The following PHTF2 variants were observed in gnomAD, a reference collection of about 807,000 sequenced individuals.
PHTF2 encodes the protein putative homeodomain transcription factor 2.
PHTF2 carries 60 observed loss-of-function variants against 101.2 expected under a neutral mutation model. The ratio of observed to expected loss-of-function variants is 0.59; its 90% confidence interval spans 0.48 to 0.73. The LOEUF is 0.73. PHTF2 is among the 30% of genes least tolerant of loss of function. The probability of loss-of-function intolerance (pLI) is 0.00; values close to 1 mark genes in which losing one functional copy is unlikely to be tolerated. For synonymous variants in PHTF2, 311 were observed against 307.3 expected (o/e 1.01, Z -0.13); for missense variants, 747 against 908.7 (o/e 0.82, Z 2.29).
intron 1 of PHTF2, among the ~76,000 whole-genome samples, chr7:77,810,014 G>A (rs1221629646): frequency 6.6e-6 from 1 of 152,070 alleles, no homozygotes; most frequent in South Asian, 2.1e-4. Flanking sequence ...TGATAAAGGA[G>A]GTATTTTAAA....
chr7:77,938,399 T>C (rs937876945), intron 13 of PHTF2, among the ~76,000 whole-genome samples: 1 of 152,210 alleles, frequency 6.6e-6, no homozygotes, highest in Non-Finnish European at 1.5e-5. Flanking sequence ...AATTTTATTT[T>C]CTATTATTTC....
At chr7:77,934,500 A>T (rs1636665) in intron 12 of PHTF2, among the ~76,000 whole-genome samples, 115,144 of 152,180 alleles carry the variant, frequency 0.76, 43,768 homozygotes, top group East Asian at 0.86. Flanking sequence ...CATTTAAGCA[A>T]TAAGGTTTTC....
At chr7:77,946,906 G>C (rs1806092705) in intron 16 of PHTF2, among the ~76,000 whole-genome samples, 1 of 151,242 alleles carries the variant, frequency 6.6e-6, no homozygotes, top group Non-Finnish European at 1.5e-5. Context: ...TGGATCCCTT[G>C]AGCCCAGGAG....
intron 1 of PHTF2, among the ~76,000 whole-genome samples, chr7:77,822,909 T>C (rs1794405834): frequency 6.7e-6 from 1 of 149,812 alleles, no homozygotes; most frequent in South Asian, 2.1e-4. Context: ...TAAATCTTTT[T>C]TTTTTTTTTT....
In PHTF2 at chr7:77,883,515, A is replaced by G. The variant is rs115038758; in HGVS notation, c.148-10093A>G. Among the ~76,000 whole-genome samples, 488 of 152,214 alleles carry G rather than the reference A, an allele frequency of 3.2e-3. 1 individual carries two copies. Among genetic ancestry groups the G allele is most frequent in the African/African-American group, 0.011 (471 of 41,556 alleles). ...CGGTTTTCTCTTTTTTACCAAATTT[A>G]TAGGTAGATAATTATGGCAATGCAA... On this transcript the variant is annotated intron_variant, in intron 3 of 19. Transcript: ENST00000416283.
chr7:77,835,630 G>C (rs1795398295), intron 1 of PHTF2, among the ~76,000 whole-genome samples: 1 of 152,076 alleles, frequency 6.6e-6, no homozygotes, highest in Non-Finnish European at 1.5e-5. Flanking sequence ...TTGGGGTTAG[G>C]GATACTGACC....
chr7:77,892,578 G>A (rs777379101), intron 3 of PHTF2, among the ~76,000 whole-genome samples: 3 of 152,032 alleles, frequency 2.0e-5, no homozygotes, highest in Non-Finnish European at 4.4e-5. Context: ...TAATTTCTTA[G>A]GCTTCTAATT....
At chr7:77,810,876 A>T (rs1408057128) in intron 1 of PHTF2, among the ~76,000 whole-genome samples, 1 of 151,942 alleles carries the variant, frequency 6.6e-6, no homozygotes, top group Admixed American at 6.6e-5. Context: ...TTTTTTCCTC[A>T]TAATTAGATT....
chr7:77,831,780 G>A (rs968411725), intron 1 of PHTF2, among the ~76,000 whole-genome samples: 9 of 152,176 alleles, frequency 5.9e-5, no homozygotes, highest in African/African-American at 1.7e-4. Context: ...TTCTGAATGC[G>A]AGTCTACGCA....
At chr7:77,881,060 T>G (rs887336459) in intron 3 of PHTF2, among the ~76,000 whole-genome samples, 1 of 152,178 alleles carries the variant, frequency 6.6e-6, no homozygotes, top group African/African-American at 2.4e-5. Flanking sequence ...TTTTACCTTT[T>G]TTATTGTCCC....
intron 16 of PHTF2, 74 bp from the exon 16 acceptor site, chr7:77,949,604 C>A: frequency 2.7e-6 from 2 of 733,612 alleles, no homozygotes; most frequent in South Asian, 2.0e-5. Flanking sequence ...TATGAACAAT[C>A]TATGTTTATT....
In PHTF2 at chr7:77,900,787, C is replaced by CT. The variant is rs763011649; in HGVS notation, c.286+8dup. The CT allele has an allele frequency of 1.4e-6, 2 of 1,411,382 alleles. No individual in the cohort carries two copies. Among genetic ancestry groups the CT allele is most frequent in the Non-Finnish European group, 2.0e-6 (2 of 996,232 alleles). 87.4% of individuals were successfully genotyped at this position (1,411,382 alleles called of 1,614,324 possible). A position where few individuals can be genotyped will look rare whatever the true frequency, so the allele number is the denominator to read the frequency against. On this transcript the variant is annotated splice_region_variant and intron_variant, in intron 6 of 19. Coordinates refer to ENST00000416283, the Ensembl canonical transcript of PHTF2. Reference sequence around the variant, plus strand: ...GATGTTGATCTTGTAAGAGGTGAGTCTGATAAATAAATGCTTAATACAAGT... The same window carrying CT: ...GATGTTGATCTTGTAAGAGGTGAGTCTTGATAAATAAATGCTTAATACAAGT...
chr7:77,918,833 AT>A (rs1457550324), intron 9 of PHTF2, among the ~76,000 whole-genome samples: 3 of 152,080 alleles, frequency 2.0e-5, no homozygotes, highest in African/African-American at 7.2e-5. Flanking sequence ...GGATCTGGAG[AT>A]TTGGCTTTTC....
intron 11 of PHTF2, 115 bp downstream of exon 10, chr7:77,922,893 A>G (rs1803615227): frequency 1.6e-6 from 2 of 1,284,128 alleles, no homozygotes; most frequent in East Asian, 5.3e-5. Context: ...TATTATCAAT[A>G]TTTATTATTG....
chr7:77,854,976 C>A, intron 3 of PHTF2: 1 of 576,216 alleles, frequency 1.7e-6, no homozygotes. Flanking sequence ...CCTACTGTGG[C>A]TGAGCTGGTG....
At chr7:77,955,417 CG>C (rs1806932754) in exon 20 of PHTF2, 1 of 152,446 alleles carries the variant, frequency 6.6e-6, no homozygotes, top group South Asian at 2.1e-4. Context: ...TTAATATATA[CG>C]GTATTATATA....
intron 2 of PHTF2, among the ~76,000 whole-genome samples, chr7:77,848,068 C>T (rs928883342): frequency 9.9e-5 from 15 of 152,192 alleles, no homozygotes; most frequent in African/African-American, 3.6e-4. Flanking sequence ...GAATACTACT[C>T]CATTGTGTAT....
At chr7:77,834,637 T>TG (rs986632305) in intron 1 of PHTF2, among the ~76,000 whole-genome samples, 2 of 152,164 alleles carry the variant, frequency 1.3e-5, no homozygotes, top group Non-Finnish European at 2.9e-5. Context: ...TATTGAGTTG[T>TG]GGAATATCTG....
At chr7:77,854,844 G>A in intron 3 of PHTF2, 1 of 756,600 alleles carries the variant, frequency 1.3e-6, no homozygotes, top group Admixed American at 1.7e-5. Context: ...GGTGAGTAAT[G>A]CCAGGCCTGT....
Sources: allele counts gnomAD v4.1 joint callset (sites outside exome capture counted in the v4.1 genomes callset), GRCh38; gene constraint gnomAD v4.1.1; transcripts MANE v1.5; gene names NCBI Gene and HGNC (gene_info 2026-07-23, HGNC 2026-07-21).